Variants in SLC16A7 observed in about 807,000 individuals in gnomAD.
SLC16A7 encodes monocarboxylate transporter 2.
A neutral mutation model predicts 34.9 loss-of-function variants in SLC16A7; 33 were observed. The observed-to-expected ratio is 0.94, with a 90% confidence interval of 0.72 to 1.26. SLC16A7 has a LOEUF of 1.26. Among genes scored for constraint, SLC16A7 ranks in the 50% most tolerant of loss-of-function variants. SLC16A7 has a pLI of 0.00. For missense variants in SLC16A7, 573 were observed against 578.1 expected (o/e 0.99, Z 0.09); for synonymous variants, 201 against 206.6 (o/e 0.97, Z 0.23).
chr12:59,720,197 T>A (rs1435318542), intron 3 of SLC16A7: 2 of 636,406 alleles, frequency 3.1e-6, no homozygotes, highest in African/African-American at 3.8e-5. Flanking sequence ...GGAATCTTCC[T>A]AAGTTATTGT....
At chr12:59,731,535 C>T (rs1223241184) in intron 3 of SLC16A7, among the ~76,000 whole-genome samples, 1 of 152,170 alleles carries the variant, frequency 6.6e-6, no homozygotes, top group Non-Finnish European at 1.5e-5. Context: ...CTCTGTATAG[C>T]TTCAATTAAT....
intron 5 of SLC16A7, among the ~76,000 whole-genome samples, chr12:59,776,000 G>A (rs368005698): frequency 2.0e-5 from 3 of 152,224 alleles, no homozygotes; most frequent in Admixed American, 6.5e-5. Context: ...GAGAAAGACA[G>A]GGATGACCGA....
chr12:59,754,349 T>C (rs1420512270), intron 3 of SLC16A7, among the ~76,000 whole-genome samples: 1 of 151,980 alleles, frequency 6.6e-6, no homozygotes, highest in Non-Finnish European at 1.5e-5. Context: ...ACAAAATTGA[T>C]AGACTGCTAG....
intron 3 of SLC16A7, among the ~76,000 whole-genome samples, chr12:59,727,251 G>C (rs917197206): frequency 2.0e-5 from 3 of 151,656 alleles, no homozygotes; most frequent in African/African-American, 7.3e-5. Context: ...AGATGAGTTA[G>C]TCCCTGGTGA....
At chr12:59,724,961 T>A (rs1876060601) in intron 3 of SLC16A7, among the ~76,000 whole-genome samples, 1 of 145,036 alleles carries the variant, frequency 6.9e-6, no homozygotes, top group African/African-American at 2.9e-5. Flanking sequence ...CAAAGTGTAG[T>A]GTATTTCCTG....
chr12:59,637,552 A>G (rs1880487311), intron 1 of SLC16A7, among the ~76,000 whole-genome samples: 1 of 152,042 alleles, frequency 6.6e-6, no homozygotes, highest in Non-Finnish European at 1.5e-5. Flanking sequence ...GACTTACATA[A>G]TAGGTTGACA....
chr12:59,645,014 T>C (rs954003469), intron 1 of SLC16A7, among the ~76,000 whole-genome samples: 1 of 152,226 alleles, frequency 6.6e-6, no homozygotes. Context: ...GAGCCTTCCC[T>C]ATTATTGTTT....
chr12:59,690,331 T>C (rs554754308), intron 2 of SLC16A7, among the ~76,000 whole-genome samples: 1 of 152,038 alleles, frequency 6.6e-6, no homozygotes, highest in South Asian at 2.1e-4. Flanking sequence ...AAGAAAAAAA[T>C]AATTTTCTTT....
chr12:59,756,241 C>A (rs531120349), intron 3 of SLC16A7, among the ~76,000 whole-genome samples: 1 of 152,228 alleles, frequency 6.6e-6, no homozygotes, highest in East Asian at 1.9e-4. Context: ...GCAACAAAAG[C>A]CAAAATTGAC....
At chr12:59,756,627 G>C in intron 3 of SLC16A7, among the ~76,000 whole-genome samples, 1 of 148,662 alleles carries the variant, frequency 6.7e-6, no homozygotes, top group South Asian at 2.2e-4. Flanking sequence ...AGAGGATGTG[G>C]AGAAATAGAA....
intron 1 of SLC16A7, among the ~76,000 whole-genome samples, chr12:59,628,534 C>G (rs781253212): frequency 6.6e-6 from 1 of 151,718 alleles, no homozygotes; most frequent in African/African-American, 2.4e-5. Flanking sequence ...TTCATAGAGC[C>G]GTAAACAAAC....
intron 1 of SLC16A7, among the ~76,000 whole-genome samples, chr12:59,630,544 G>A (rs1296385309): frequency 6.6e-6 from 1 of 151,858 alleles, no homozygotes; most frequent in Non-Finnish European, 1.5e-5. Context: ...CATCCTCAGA[G>A]TGCTCAAAAC....
intron 3 of SLC16A7, among the ~76,000 whole-genome samples, chr12:59,734,475 G>A (rs1383158466): frequency 6.6e-6 from 1 of 152,240 alleles, no homozygotes; most frequent in African/African-American, 2.4e-5. Context: ...AGAGAGTGCA[G>A]GGATGTCCAG....
intron 2 of SLC16A7, among the ~76,000 whole-genome samples, chr12:59,668,670 T>C (rs1351518717): frequency 6.6e-6 from 1 of 152,162 alleles, no homozygotes; most frequent in East Asian, 1.9e-4. Context: ...CTGGAATGAA[T>C]TAAGACTTTG....
At chr12:59,605,333 C>T (rs1283268594) in intron 1 of SLC16A7, among the ~76,000 whole-genome samples, 1 of 152,168 alleles carries the variant, frequency 6.6e-6, no homozygotes, top group Non-Finnish European at 1.5e-5. Context: ...ACCGAAGGAA[C>T]AGTAAGTCCA....
At chr12:59,779,308 T>C in intron 5 of SLC16A7, 115 bp from the exon 6 acceptor site, 1 of 799,806 alleles carries the variant, frequency 1.3e-6, no homozygotes, top group Non-Finnish European at 1.9e-6. Flanking sequence ...TTTAAAGTCT[T>C]ATTTGACATT....
chr12:59,706,984 A>G (rs1488247789), intron 3 of SLC16A7, among the ~76,000 whole-genome samples: 1 of 152,096 alleles, frequency 6.6e-6, no homozygotes, highest in African/African-American at 2.4e-5. Context: ...TTGATGACTT[A>G]AAACAATACA....
intron 1 of SLC16A7, among the ~76,000 whole-genome samples, chr12:59,654,143 A>G (rs544192995): frequency 1.3e-5 from 2 of 151,402 alleles, no homozygotes; most frequent in Admixed American, 6.6e-5. Context: ...GTGGTGCCAT[A>G]GTTATAACAT....
chr12:59,621,745 A>G (rs1392366499), intron 1 of SLC16A7, among the ~76,000 whole-genome samples: 1 of 151,822 alleles, frequency 6.6e-6, no homozygotes, highest in East Asian at 1.9e-4. Flanking sequence ...TTATATGCTA[A>G]GAAAGTATGA....
Sources: allele counts gnomAD v4.1 joint callset (sites outside exome capture counted in the v4.1 genomes callset), GRCh38; gene constraint gnomAD v4.1.1; transcripts MANE v1.5; gene names NCBI Gene and HGNC (gene_info 2026-07-23, HGNC 2026-07-21).